CLINT1: variants seen among roughly 807,000 people sequenced by gnomAD.
The protein encoded by CLINT1 is clathrin interactor 1.
CLINT1 carries 15 observed loss-of-function variants against 70.4 expected under a neutral mutation model. The ratio of observed to expected loss-of-function variants is 0.21; its 90% CI spans 0.14 to 0.33. CLINT1 has a LOEUF of 0.33. Ranked by LOEUF, CLINT1 falls within the 10% of genes least tolerant of loss-of-function variation. The probability of loss-of-function intolerance (pLI) is 1.00; values close to 1 mark genes in which losing one functional copy is unlikely to be tolerated. For missense variants in CLINT1, 615 were observed against 778.1 expected (o/e 0.79, Z 2.49); for synonymous variants, 227 against 254.7 (o/e 0.89, Z 1.04).
chr5:157,854,339 T>C (rs1299183933), intron 1 of CLINT1, among the ~76,000 whole-genome samples: 2 of 152,212 alleles, frequency 1.3e-5, no homozygotes, highest in Non-Finnish European at 2.9e-5. Flanking sequence ...ATCCCTGCGC[T>C]TCAGGATGCT....
rs1305305455 is a variant in CLINT1, at chr5:157,814,054, G to C, written c.352+131C>G. 1.2e-5 allele frequency: 8 copies of C among 649,526 alleles called. No homozygotes were observed. The East Asian group carries it at 2.2e-4, about 18-fold the overall frequency. The allele number at this position is 649,526 out of a possible 1,614,324, so 40.2% of individuals were successfully genotyped here. ...TAATACTCTAGGGCCCCACGTCTTG[G>C]ATTCTGCACTCGTCACACAACCAGC... On this transcript the variant is annotated intron_variant, in intron 4 of 11. Transcript: ENST00000411809.
At chr5:157,829,026 C>T (rs553722049) in intron 1 of CLINT1, among the ~76,000 whole-genome samples, 11 of 151,982 alleles carry the variant, frequency 7.2e-5, no homozygotes, top group African/African-American at 1.4e-4. Flanking sequence ...TGGTTGAACC[C>T]GGGAAGCGGA....
intron 1 of CLINT1, among the ~76,000 whole-genome samples, chr5:157,824,334 C>A (rs1466931229): frequency 6.6e-6 from 1 of 152,154 alleles, no homozygotes; most frequent in Admixed American, 6.5e-5. Flanking sequence ...GTCCTGTGAA[C>A]AGTATCAAAT....
chr5:157,828,503 A>G lies in CLINT1; in HGVS notation c.42-10956T>C, dbSNP rs112979779. On this transcript the variant is annotated intron_variant, in intron 1 of 11. Coordinates refer to ENST00000411809, the MANE Select transcript of CLINT1 (RefSeq NM_014666.4). ...AACAACTATATAAAAACACATGTAC[A>G]TGTGAGCAAAGCCCGGAAGAACCAA... Among the ~76,000 whole-genome samples the G allele has an allele frequency of 7.1e-3, 1,085 of 152,282 alleles. 13 individuals carry two copies. The highest frequency in any genetic ancestry group is 0.025 in the African/African-American group (1,038 of 41,552).
At chr5:157,830,287 A>G (rs535389295) in intron 1 of CLINT1, among the ~76,000 whole-genome samples, 2 of 152,210 alleles carry the variant, frequency 1.3e-5, no homozygotes, top group African/African-American at 2.4e-5. Context: ...TTTAGTTTAT[A>G]CTTTCATCTT....
At position 157,859,081 on chromosome 5, in the gene CLINT1, G is replaced by T; in HGVS notation, c.-111C>A. The T allele has an allele frequency of 8.2e-7, 1 of 1,226,226 alleles. No homozygotes were observed. The allele number at this position is 1,226,226 out of a possible 1,614,324, so 76.0% of individuals were successfully genotyped here. A position where few individuals can be genotyped will look rare whatever the true frequency, so the allele number is the denominator to read the frequency against. On this transcript the variant is annotated 5_prime_UTR_variant, in exon 1 of 12. Coordinates refer to ENST00000411809, the MANE Select transcript of CLINT1 (RefSeq NM_014666.4). ...CGGGGTCACCGCCGCCCGCCGCCTCGAACTCCCCCAGTCAGCTCCTTCCTT... is the reference window on the plus strand; with the variant it reads ...CGGGGTCACCGCCGCCCGCCGCCTCTAACTCCCCCAGTCAGCTCCTTCCTT...
At chr5:157,831,693 C>CTT (rs35629225) in intron 1 of CLINT1, among the ~76,000 whole-genome samples, 4,560 of 123,876 alleles carry the variant, frequency 0.037, 274 homozygotes, top group African/African-American at 0.12. Context: ...TGAAAATATC[C>CTT]TTTTTTTTTT....
chr5:157,814,073 A>G (rs1267712735), intron 4 of CLINT1, 112 bp downstream of exon 4: 44 of 713,374 alleles, frequency 6.2e-5, no homozygotes, highest in Non-Finnish European at 1.1e-4. Context: ...CTCGTCACAC[A>G]ACCAGCAACA....
intron 3 of CLINT1, among the ~76,000 whole-genome samples, chr5:157,815,515 G>A (rs909851625): frequency 6.6e-6 from 1 of 151,944 alleles, no homozygotes; most frequent in African/African-American, 2.4e-5. Context: ...CACTTGATCA[G>A]GTATATGAAA....
At chr5:157,814,114 T>G in intron 4 of CLINT1, 71 bp downstream of exon 4, 1 of 963,370 alleles carries the variant, frequency 1.0e-6, no homozygotes, top group Non-Finnish European at 1.6e-6. Context: ...GAGAAGCTTC[T>G]AAGCTGGTTC....
chr5:157,847,046 G>A lies in CLINT1; in HGVS notation c.41+11884C>T, dbSNP rs188974016. ...TTTCATGTCTGCTAACACAATGTTC[G>A]TTTTGTAGCCCATGGATCAAGAAGT... On this transcript the variant is annotated intron_variant, in intron 1 of 11. Coordinates refer to ENST00000411809, the MANE Select transcript of CLINT1 (RefSeq NM_014666.4). 8.3e-3 allele frequency among the ~76,000 whole-genome samples: 1,256 copies of A among 152,238 alleles called. 11 individuals are homozygous for A. The highest frequency in any genetic ancestry group is 0.028 in the African/African-American group (1,182 of 41,548).
At chr5:157,855,185 G>C (rs1753718779) in intron 1 of CLINT1, among the ~76,000 whole-genome samples, 1 of 124,060 alleles carries the variant, frequency 8.1e-6, no homozygotes, top group East Asian at 2.5e-4. Context: ...ACTGATGAAA[G>C]AGATTTACCA....
At position 157,844,131 on chromosome 5, in the gene CLINT1, T is replaced by A. The variant is rs1444734673; in HGVS notation, c.41+14799A>T. On this transcript the variant is annotated intron_variant, in intron 1 of 11. Transcript: ENST00000411809. ...TCACCAGTAATTAAACTTAGATGTA[T>A]TATCCAATCTCAAAAACTAGACTTG... Among the ~76,000 whole-genome samples, 6 of 152,108 alleles carry A rather than the reference T, an allele frequency of 3.9e-5. 1 individual carries two copies. The highest frequency in any genetic ancestry group is 3.9e-4 in the Admixed American group (6 of 15,270).
At chr5:157,837,435 C>T (rs905307985) in intron 1 of CLINT1, among the ~76,000 whole-genome samples, 6 of 151,820 alleles carry the variant, frequency 4.0e-5, no homozygotes, top group African/African-American at 1.2e-4. Flanking sequence ...CACACACACA[C>T]ACACATACTG....
chr5:157,820,378 G>T lies in CLINT1; in HGVS notation c.42-2831C>A, dbSNP rs564937498. ...GTGGGAGGACTGCATAAGCCCAGGA[G>T]GTTGAGGCTACAGAGAACAAGACCC... On this transcript the variant is annotated intron_variant, in intron 1 of 11. Coordinates refer to ENST00000411809, the MANE Select transcript of CLINT1 (RefSeq NM_014666.4). Among the ~76,000 whole-genome samples the T allele has an allele frequency of 2.6e-5, 4 of 152,284 alleles. No homozygotes were observed. In the South Asian group the frequency reaches 8.3e-4, roughly 32 times the overall value.
Position 157,787,595 on chromosome 5 carries a change from C to G in CLINT1, c.*51G>C, listed in dbSNP as rs1308601571. 19 of 1,441,146 alleles carry G rather than the reference C, an allele frequency of 1.3e-5. No individual in the cohort carries two copies. The highest frequency in any genetic ancestry group is 1.4e-5 in the African/African-American group (1 of 71,364). 89.3% of individuals were successfully genotyped at this position (1,441,146 alleles called of 1,614,324 possible). Reference sequence around the variant, plus strand: ...TTAGCATTTTCCATCCCAACATCACCTATCTGCACAGCTAAAAATTCTTCA... The same window carrying G: ...TTAGCATTTTCCATCCCAACATCACGTATCTGCACAGCTAAAAATTCTTCA... On this transcript the variant is annotated 3_prime_UTR_variant, in exon 12 of 12. Coordinates refer to ENST00000411809, the MANE Select transcript of CLINT1 (RefSeq NM_014666.4).
intron 1 of CLINT1, among the ~76,000 whole-genome samples, chr5:157,849,971 T>C (rs1323576295): frequency 6.6e-6 from 1 of 152,044 alleles, no homozygotes; most frequent in Admixed American, 6.6e-5. Flanking sequence ...AGGCAGGAGA[T>C]GAATACATGT....
chr5:157,818,953 C>T (rs112800416), intron 1 of CLINT1, among the ~76,000 whole-genome samples: 77 of 152,176 alleles, frequency 5.1e-4, no homozygotes, highest in Non-Finnish European at 4.9e-4. Context: ...TCAATTCTTC[C>T]ACTTAGCATT....
In CLINT1 at chr5:157,846,675, A is replaced by T. The variant is rs1473978277; in HGVS notation, c.41+12255T>A. 2.0e-5 allele frequency among the ~76,000 whole-genome samples: 3 copies of T among 152,242 alleles called. No individual in the cohort carries two copies. In the East Asian group the frequency reaches 5.8e-4, roughly 29 times the overall value. On this transcript the variant is annotated intron_variant, in intron 1 of 11. Coordinates refer to ENST00000411809, the MANE Select transcript of CLINT1 (RefSeq NM_014666.4). ...AAACGGCCTTCCAGTGGAAGATGCC[A>T]TCTAGGACTTTCATAGCTAGAGAGG...
Sources: gnomAD v4.1 joint callset for allele counts (sites outside exome capture counted in the v4.1 genomes callset) on GRCh38, gnomAD v4.1.1 for gene constraint, MANE v1.5 for transcripts, NCBI Gene and HGNC (gene_info 2026-07-23, HGNC 2026-07-21) for gene names.